Variants in RNF213 observed in about 807,000 individuals in gnomAD.
The protein encoded by RNF213 is ring finger protein 213.
RNF213 carries 341 observed loss-of-function variants against 514.4 expected under a neutral mutation model. The ratio of observed to expected loss-of-function variants is 0.66; its 90% confidence interval spans 0.61 to 0.73. RNF213 has a LOEUF of 0.73. Among genes scored for constraint, RNF213 ranks in the 30% least tolerant of loss-of-function variants. RNF213 has a pLI of 0.00. For missense variants in RNF213, 5,767 were observed against 6,615.6 expected (o/e 0.87, Z 4.45); for synonymous variants, 2,655 against 2,658.2 (o/e 1.00, Z 0.04).
At position 80,363,178 on chromosome 17, in the gene RNF213, T is replaced by TA; in HGVS notation, c.11433dup (p.Pro3812ThrfsTer39). 1 of 1,614,248 alleles carries TA rather than the reference T, an allele frequency of 6.2e-7. No homozygotes were observed. Among genetic ancestry groups the TA allele is most frequent in the Non-Finnish European group, 8.5e-7 (1 of 1,180,040 alleles). ...GAAGCGCCCGAGGAAGAGGTTTCCTTACCGTGGGTGCACCTTGCCTACCAG... is the reference window on the plus strand; with the variant it reads ...GAAGCGCCCGAGGAAGAGGTTTCCTTAACCGTGGGTGCACCTTGCCTACCAG... On this transcript the variant is annotated frameshift_variant, in exon 40 of 68. Coordinates refer to ENST00000582970, the MANE Select transcript of RNF213 (RefSeq NM_001256071.3). LOFTEE classifies it high-confidence loss of function.
intron 20 of RNF213, among the ~76,000 whole-genome samples, chr17:80,330,557 C>T (rs2046386788): frequency 1.3e-5 from 2 of 152,172 alleles, no homozygotes; most frequent in Non-Finnish European, 1.5e-5. Flanking sequence ...TGTGGTTCTC[C>T]GCCACCTCCC....
At chr17:80,352,467 C>T (rs8078851) in intron 32 of RNF213, 248,986 of 428,552 alleles carry the variant, frequency 0.58, 75,741 homozygotes, top group Non-Finnish European at 0.64. Context: ...TGGCGGGGGT[C>T]GGACTATCTT....
At chr17:80,357,592 A>G (rs888637762) in intron 36 of RNF213, among the ~76,000 whole-genome samples, 2 of 152,212 alleles carry the variant, frequency 1.3e-5, no homozygotes, top group Non-Finnish European at 2.9e-5. Context: ...ATTTTTTCCA[A>G]ATGAATCGTC....
intron 63 of RNF213, 62 bp downstream of exon 63, chr17:80,386,953 GGT>G: frequency 2.0e-6 from 3 of 1,498,686 alleles, no homozygotes; most frequent in Non-Finnish European, 2.7e-6. Context: ...AGCAGCCCTT[GGT>G]GTGTTTCTCG....
In RNF213 at chr17:80,347,503, G is replaced by A. The variant is rs749920168; in HGVS notation, c.9168G>A (p.Gln3056=). ...TKNYVALQIL[Q]QTFFEGDQQP... ...ACTACGTGGCACTGCAGATCCTGCAGCAGACATTCTTCGAGGGGGACCAGC... is the reference window on the plus strand; with the variant it reads ...ACTACGTGGCACTGCAGATCCTGCAACAGACATTCTTCGAGGGGGACCAGC... The change falls in exon 29 of 68, where the codon CAG becomes CAA. Residue 3056 remains glutamine, a synonymous_variant. Transcript: ENST00000582970. The surrounding 1 kb of genome is among the most constrained non-coding windows in gnomAD (Gnocchi z 7.2). 3 of 1,614,098 alleles carry A rather than the reference G, an allele frequency of 1.9e-6. No homozygotes were observed. The Admixed American group carries it at 5.0e-5, about 27-fold the overall frequency.
rs1184214795 is a variant in RNF213 at position 80,397,293 on chromosome 17, A to G, written c.*3795A>G. The G allele has an allele frequency of 6.6e-6, 1 of 152,108 alleles. No homozygotes were observed. Among genetic ancestry groups the G allele is most frequent in the African/African-American group, 2.4e-5 (1 of 41,402 alleles). 9.4% of individuals were successfully genotyped at this position (152,108 alleles called of 1,614,324 possible). The stretch of plus-strand genomic sequence containing the variant: ...AAGTGGCTCGACCTCTCTAAGCTTC[A>G]GTTTCCTCGTCTGTGAAATATCTGT... On this transcript the variant is annotated 3_prime_UTR_variant, in exon 68 of 68. Transcript: ENST00000582970.
At chr17:80,365,662 C>T (rs1205418237) in intron 42 of RNF213, among the ~76,000 whole-genome samples, 3 of 152,166 alleles carry the variant, frequency 2.0e-5, no homozygotes, top group African/African-American at 7.2e-5. Context: ...TGGTCATGTT[C>T]CAGGTGGAAC....
chr17:80,383,823 G>A lies in RNF213; in HGVS notation c.14217G>A (p.Lys4739=), dbSNP rs781432661. 4 of 1,614,194 alleles carry A rather than the reference G, an allele frequency of 2.5e-6. No homozygotes were observed. The South Asian group carries it at 4.4e-5, about 18-fold the overall frequency. ...GGAAAAGTGTGGTCCATTGCTCTAAGATTTGGAGCTGCAGGAAAAGAATTA... is the reference window on the plus strand; with the variant it reads ...GGAAAAGTGTGGTCCATTGCTCTAAAATTTGGAGCTGCAGGAAAAGAATTA... ...LPRKSVVHCS[K]IWSCRKRITV... Residue 4739 remains lysine (K), a synonymous_variant, in exon 59 of 68, where the codon AAG becomes AAA. Coordinates refer to ENST00000582970, the MANE Select transcript of RNF213 (RefSeq NM_001256071.3).
intron 59 of RNF213, 102 bp downstream of exon 59, chr17:80,384,030 C>T (rs778680521): frequency 1.6e-5 from 22 of 1,413,102 alleles, no homozygotes; most frequent in Non-Finnish European, 2.0e-5. Context: ...TCTTAACAGA[C>T]TATTCCAGTG....
At chr17:80,360,235 C>G (rs1419318854) in intron 38 of RNF213, 29 bp downstream of exon 38, 1 of 1,603,084 alleles carries the variant, frequency 6.2e-7, no homozygotes, top group African/African-American at 1.3e-5. Context: ...AGGTCAGATT[C>G]AGCACAGGTG....
At chr17:80,268,354 GA>G (rs898719348) in intron 2 of RNF213, among the ~76,000 whole-genome samples, 39 of 73,186 alleles carry the variant, frequency 5.3e-4, no homozygotes, top group South Asian at 2.8e-3. Flanking sequence ...CCCTGTCTCA[GA>G]AAAAAAAAAA....
intron 46 of RNF213, among the ~76,000 whole-genome samples, chr17:80,370,308 A>G (rs865904000): frequency 6.6e-5 from 10 of 152,250 alleles, no homozygotes; most frequent in Middle Eastern, 3.2e-3. Flanking sequence ...GTTGACATCC[A>G]AGAATAGTAT....
intron 57 of RNF213, 175 bp downstream of exon 57, chr17:80,381,902 G>A (rs1167374276): frequency 2.9e-6 from 2 of 688,248 alleles, no homozygotes; most frequent in Non-Finnish European, 4.9e-6. Context: ...GGCGATGCCT[G>A]GGGCTGGAAA....
In RNF213 at chr17:80,346,317, A is replaced by T; in HGVS notation, c.7982A>T (p.Gln2661Leu). The change falls in exon 29 of 68, where the codon CAG becomes CTG. Residue 2661 changes from glutamine to leucine, a missense_variant. Coordinates refer to ENST00000582970, the MANE Select transcript of RNF213 (RefSeq NM_001256071.3). This position sits in a 1 kb window ranked among gnomAD's most constrained non-coding sequence, Gnocchi z 8.1. ...GAGCACAGCGCGATGCTCTTAGCGC[A>T]GCTGAATGCCTTTCTCTCCAAGTCC... ...FHEHSAMLLAQLNAFLSKSSV... is the reference protein window; with the variant it reads ...FHEHSAMLLALLNAFLSKSSV... 6.2e-7 allele frequency: 1 copy of T among 1,614,068 alleles called. No individual in the cohort carries two copies. The highest frequency in any genetic ancestry group is 8.5e-7 in the Non-Finnish European group (1 of 1,180,034).
chr17:80,385,484 G>T, intron 60 of RNF213, 54 bp from the exon 61 acceptor site: 1 of 1,509,186 alleles, frequency 6.6e-7, no homozygotes, highest in East Asian at 2.3e-5. Context: ...GGGTGGTTTG[G>T]CCCTTTCAGG....
chr17:80,371,680 A>G, intron 46 of RNF213, 194 bp from the exon 47 acceptor site: 1 of 503,696 alleles, frequency 2.0e-6, no homozygotes, highest in East Asian at 3.4e-5. Flanking sequence ...CAGCTGGTCT[A>G]AAATGTGAGT....
rs770719543 is a variant in RNF213 at position 80,319,170 on chromosome 17, C to A, written c.2902-20C>A. On this transcript the variant is annotated intron_variant, in intron 16 of 67. Coordinates refer to ENST00000582970, the MANE Select transcript of RNF213 (RefSeq NM_001256071.3). Reference sequence around the variant, plus strand: ...GCTGCATCCGAAAGCTCTGAAACCACCCCCCTTTGATTTTTGCAGGAGGAA... The same window carrying A: ...GCTGCATCCGAAAGCTCTGAAACCAACCCCCTTTGATTTTTGCAGGAGGAA... 2 of 1,613,776 alleles carry A rather than the reference C, an allele frequency of 1.2e-6. No individual in the cohort carries two copies. Among genetic ancestry groups the A allele is most frequent in the East Asian group, 2.2e-5 (1 of 44,886 alleles).
At position 80,389,930 on chromosome 17, in the gene RNF213, T is replaced by A; in HGVS notation, c.15285+13T>A. ...GCGGCTGCACAAAGTAAGTCTGGTC[T>A]CTTCCTCTCTGCTGGACAGAGGGAC... On this transcript the variant is annotated intron_variant, in intron 66 of 67. Coordinates refer to ENST00000582970, the MANE Select transcript of RNF213 (RefSeq NM_001256071.3). 1 of 1,614,044 alleles carries A rather than the reference T, an allele frequency of 6.2e-7. No homozygotes were observed. Among genetic ancestry groups the A allele is most frequent in the Non-Finnish European group, 8.5e-7 (1 of 1,179,860 alleles).
chr17:80,273,159 A>G (rs1381007234), intron 2 of RNF213, 82 bp from the exon 3 acceptor site: 4 of 1,554,784 alleles, frequency 2.6e-6, no homozygotes, highest in South Asian at 1.1e-5. Flanking sequence ...CTCTCCATGC[A>G]CTCGTGGGGA....
Sources: gnomAD v4.1 joint callset for allele counts (sites outside exome capture counted in the v4.1 genomes callset) on GRCh38, gnomAD v4.1.1 for gene constraint, Gnocchi (gnomAD v3.1) non-coding constraint, MANE v1.5 for transcripts, NCBI Gene and HGNC (gene_info 2026-07-23, HGNC 2026-07-21) for gene names.